SCFD2: variants seen among roughly 807,000 people sequenced by gnomAD.
SCFD2 encodes sec1 family domain containing 2.
Under a neutral mutation model 58.9 loss-of-function variants are expected in SCFD2, and 54 were observed. The observed-to-expected ratio is 0.92, with a 90% CI of 0.74 to 1.15. The LOEUF is 1.15. Ranked by LOEUF, SCFD2 falls within the 50% of genes most tolerant of loss-of-function variation. SCFD2 has a pLI of 0.00. For missense variants in SCFD2, 805 were observed against 836.6 expected (o/e 0.96, Z 0.47); for synonymous variants, 321 against 335.9 (o/e 0.96, Z 0.49).
chr4:53,298,375 C>A (rs990239114), intron 3 of SCFD2, among the ~76,000 whole-genome samples: 4 of 152,258 alleles, frequency 2.6e-5, no homozygotes, highest in African/African-American at 9.6e-5. Context: ...GATCAAACGG[C>A]AAGGCAGTAG....
intron 4 of SCFD2, among the ~76,000 whole-genome samples, chr4:53,218,341 C>G (rs746522821): frequency 1.3e-5 from 2 of 152,170 alleles, no homozygotes; most frequent in Non-Finnish European, 2.9e-5. Context: ...GTGTTCATTT[C>G]TTTTTACTCT....
chr4:53,154,194 T>C (rs1355399697), intron 4 of SCFD2, among the ~76,000 whole-genome samples: 4 of 152,210 alleles, frequency 2.6e-5, no homozygotes, highest in Admixed American at 1.3e-4. Context: ...TATAAAGGAA[T>C]ACCTGAGGCT....
intron 5 of SCFD2, among the ~76,000 whole-genome samples, chr4:53,129,669 T>C (rs1725732539): frequency 6.6e-6 from 1 of 152,238 alleles, no homozygotes; most frequent in Non-Finnish European, 1.5e-5. Context: ...AGGATCCTTT[T>C]TACATTCTGA....
chr4:53,079,313 C>T (rs1423230515), intron 5 of SCFD2, among the ~76,000 whole-genome samples: 3 of 152,112 alleles, frequency 2.0e-5, no homozygotes, highest in Non-Finnish European at 2.9e-5. Context: ...AAAGACAGTG[C>T]CCACTCCCAC....
chr4:52,983,981 C>G (rs190831034), intron 5 of SCFD2, among the ~76,000 whole-genome samples: 2 of 152,302 alleles, frequency 1.3e-5, no homozygotes, highest in Non-Finnish European at 1.5e-5. Flanking sequence ...AGCCTCACCC[C>G]AAATATTGAC....
intron 3 of SCFD2, among the ~76,000 whole-genome samples, chr4:53,283,316 T>C (rs1298747834): frequency 1.3e-5 from 2 of 152,234 alleles, no homozygotes; most frequent in Non-Finnish European, 2.9e-5. Context: ...TTTCTGTGTT[T>C]TACTGCTCTA....
In SCFD2 at chr4:53,085,087, A is replaced by T. The variant is rs144629498; in HGVS notation, c.1561+60246T>A. The stretch of plus-strand genomic sequence containing the variant: ...AAGGGCATCCAAACTGGAAAGAAAG[A>T]AGTCAAATTATCCTTGTTTACAGAT... On this transcript the variant is annotated intron_variant, in intron 5 of 8. Transcript: ENST00000401642. 4.3e-3 allele frequency among the ~76,000 whole-genome samples: 654 copies of T among 152,342 alleles called. 4 individuals are homozygous for T. The highest frequency in any genetic ancestry group is 0.015 in the African/African-American group (623 of 41,590).
chr4:52,881,025 C>T (rs1323515507), intron 8 of SCFD2, among the ~76,000 whole-genome samples: 2 of 152,250 alleles, frequency 1.3e-5, no homozygotes, highest in African/African-American at 4.8e-5. Flanking sequence ...GGGGAGGTTG[C>T]CCTCTTGATC....
intron 5 of SCFD2, among the ~76,000 whole-genome samples, chr4:53,035,158 G>A (rs1722722844): frequency 6.6e-6 from 1 of 152,138 alleles, no homozygotes; most frequent in Admixed American, 6.5e-5. Context: ...CAGAGCCTCA[G>A]AAATAACACC....
At chr4:53,190,425 T>C (rs1426896994) in intron 4 of SCFD2, among the ~76,000 whole-genome samples, 1 of 152,164 alleles carries the variant, frequency 6.6e-6, no homozygotes, top group Non-Finnish European at 1.5e-5. Context: ...GACCTTTGTT[T>C]TTGCTATAAC....
intron 5 of SCFD2, among the ~76,000 whole-genome samples, chr4:53,045,630 G>A (rs1723021398): frequency 6.6e-6 from 1 of 151,888 alleles, no homozygotes; most frequent in South Asian, 2.1e-4. Flanking sequence ...TTACATATCT[G>A]AGTATATCTT....
chr4:52,986,433 A>AG (rs1721495110), intron 5 of SCFD2, among the ~76,000 whole-genome samples: 1 of 151,074 alleles, frequency 6.6e-6, no homozygotes, highest in Non-Finnish European at 1.5e-5. Context: ...TGGGTGTTAC[A>AG]GGGGATGAAG....
At chr4:53,245,864 G>C (rs1247710560) in intron 4 of SCFD2, among the ~76,000 whole-genome samples, 2 of 152,126 alleles carry the variant, frequency 1.3e-5, no homozygotes, top group Non-Finnish European at 2.9e-5. Context: ...AATTAGGCAA[G>C]AGAAATAAAT....
At chr4:53,062,882 CT>C (rs1348562362) in intron 5 of SCFD2, among the ~76,000 whole-genome samples, 3 of 152,060 alleles carry the variant, frequency 2.0e-5, no homozygotes, top group African/African-American at 7.2e-5. Flanking sequence ...GGGATTTAGT[CT>C]CTTGAGTAAC....
At chr4:53,062,110 AC>A (rs1476494997) in intron 5 of SCFD2, among the ~76,000 whole-genome samples, 1 of 151,772 alleles carries the variant, frequency 6.6e-6, no homozygotes, top group Non-Finnish European at 1.5e-5. Context: ...GGTGGCTCAG[AC>A]CTGTAATCCC....
intron 5 of SCFD2, among the ~76,000 whole-genome samples, chr4:53,039,871 A>G (rs568919190): frequency 3.9e-5 from 6 of 152,266 alleles, no homozygotes; most frequent in African/African-American, 1.4e-4. Flanking sequence ...TGCTAGAGCC[A>G]TTGCTCTGCC....
chr4:53,052,718 G>C (rs180932943), intron 5 of SCFD2, among the ~76,000 whole-genome samples: 1 of 152,100 alleles, frequency 6.6e-6, no homozygotes, highest in South Asian at 2.1e-4. Flanking sequence ...TCTGTTCTTG[G>C]TTCACTTTCA....
chr4:52,875,410 T>C (rs1291106680), intron 8 of SCFD2, among the ~76,000 whole-genome samples: 1 of 151,192 alleles, frequency 6.6e-6, no homozygotes, highest in Non-Finnish European at 1.5e-5. Context: ...GAAGAAGAGG[T>C]GACTATGGGA....
chr4:52,991,627 C>T (rs577045514), intron 5 of SCFD2, among the ~76,000 whole-genome samples: 5 of 152,138 alleles, frequency 3.3e-5, no homozygotes, highest in Non-Finnish European at 7.4e-5. Context: ...TACTAATGCA[C>T]CACATCTGAG....
Sources: gnomAD v4.1 joint callset for allele counts (sites outside exome capture counted in the v4.1 genomes callset) on GRCh38, gnomAD v4.1.1 for gene constraint, MANE v1.5 for transcripts, NCBI Gene and HGNC (gene_info 2026-07-23, HGNC 2026-07-21) for gene names.